Variants in UNC79 observed in about 807,000 individuals in gnomAD.
The protein encoded by UNC79 is protein unc-79 homolog.
UNC79 carries 37 observed loss-of-function variants against 283.1 expected under a neutral mutation model. That is an observed-to-expected ratio of 0.13 (90% CI 0.10 to 0.17). UNC79 has a LOEUF of 0.17. UNC79 is among the 10% of genes least tolerant of loss of function. The pLI is 1.00. For synonymous variants in UNC79, 1,107 were observed against 1,200.2 expected (o/e 0.92, Z 1.61); for missense variants, 2,272 against 3,211.1 (o/e 0.71, Z 7.07).
At chr14:93,520,662 T>G (rs1365973536) in intron 7 of UNC79, among the ~76,000 whole-genome samples, 1 of 151,962 alleles carries the variant, frequency 6.6e-6, no homozygotes, top group South Asian at 2.1e-4. Flanking sequence ...TTATGTCTCC[T>G]AATTCACTGA....
At chr14:93,597,529 C>A in exon 24 of UNC79, 1 of 1,612,034 alleles carries the variant, frequency 6.2e-7, no homozygotes, top group Non-Finnish European at 8.5e-7. Context: ...CATAAAGAGG[C>A]CAGCATTGCA....
chr14:93,633,566 T>C (rs981537770), intron 31 of UNC79, among the ~76,000 whole-genome samples: 9 of 152,118 alleles, frequency 5.9e-5, no homozygotes, highest in African/African-American at 2.2e-4. Flanking sequence ...ACACAGAGAA[T>C]AACCACAAGT....
intron 40 of UNC79, among the ~76,000 whole-genome samples, chr14:93,668,913 C>T (rs2072515721): frequency 6.9e-6 from 1 of 144,448 alleles, no homozygotes; most frequent in African/African-American, 2.6e-5. Context: ...GGGAAAATCA[C>T]CTGAGTCTGG....
intron 4 of UNC79, among the ~76,000 whole-genome samples, chr14:93,480,556 C>T (rs12436290): frequency 0.55 from 83,427 of 151,892 alleles, 23,210 homozygotes; most frequent in Admixed American, 0.64. Flanking sequence ...ATCTTTAAGT[C>T]TTTGAAAATA....
rs753093113 is a variant in UNC79 at position 93,634,516 on chromosome 14, T to C, written c.5717-2700T>C. 3.1e-6 allele frequency: 5 copies of C among 1,609,378 alleles called. No individual in the cohort carries two copies. Among genetic ancestry groups the C allele is most frequent in the Non-Finnish European group, 2.6e-6 (3 of 1,175,744 alleles). On this transcript the variant is annotated intron_variant, in intron 31 of 48. Transcript: ENST00000555664. Reference sequence around the variant, plus strand: ...TATAATCATCTCCTAATTTCCTCCATCTAGCTCAGTATAGGCAGATGAAAA... The same window carrying C: ...TATAATCATCTCCTAATTTCCTCCACCTAGCTCAGTATAGGCAGATGAAAA...
At chr14:93,482,042 TG>T (rs1241951948) in intron 4 of UNC79, among the ~76,000 whole-genome samples, 1 of 152,200 alleles carries the variant, frequency 6.6e-6, no homozygotes, top group African/African-American at 2.4e-5. Flanking sequence ...GTGAAGACCA[TG>T]GAATAATGTA....
At chr14:93,343,872 A>C (rs145841789) in intron 1 of UNC79, among the ~76,000 whole-genome samples, 90 of 152,348 alleles carry the variant, frequency 5.9e-4, no homozygotes, top group Middle Eastern at 3.4e-3. Context: ...ATTGTGGGTC[A>C]CTGAGAATAC....
chr14:93,568,404 G>A (rs1324537733), intron 14 of UNC79, among the ~76,000 whole-genome samples: 2 of 151,994 alleles, frequency 1.3e-5, no homozygotes, highest in East Asian at 3.9e-4. Flanking sequence ...CCAGGTGTGG[G>A]GGCTCACACC....
intron 29 of UNC79, 123 bp downstream of exon 30, chr14:93,618,477 T>C (rs2066893735): frequency 1.8e-6 from 2 of 1,138,036 alleles, no homozygotes; most frequent in Non-Finnish European, 2.3e-6. Flanking sequence ...AAAATCACTT[T>C]CTTAATTTTC....
chr14:93,598,433 T>A (rs2065251043), intron 24 of UNC79, among the ~76,000 whole-genome samples: 1 of 151,948 alleles, frequency 6.6e-6, no homozygotes, highest in Admixed American at 6.6e-5. Flanking sequence ...ACTAGGTTGG[T>A]TTATCTTACA....
intron 24 of UNC79, among the ~76,000 whole-genome samples, chr14:93,597,937 A>AT (rs1444975605): frequency 6.6e-6 from 1 of 152,130 alleles, no homozygotes; most frequent in Non-Finnish European, 1.5e-5. Flanking sequence ...GATGATGGAG[A>AT]TTTTTTAACT....
intron 1 of UNC79, among the ~76,000 whole-genome samples, chr14:93,457,382 T>C (rs1362939971): frequency 6.6e-6 from 1 of 152,216 alleles, no homozygotes; most frequent in Non-Finnish European, 1.5e-5. Context: ...AGGAGATGCA[T>C]GTAATGCAGT....
intron 1 of UNC79, among the ~76,000 whole-genome samples, chr14:93,384,613 A>T (rs1566905031): frequency 6.6e-6 from 1 of 152,188 alleles, no homozygotes; most frequent in Non-Finnish European, 1.5e-5. Context: ...CCCTTGTCAA[A>T]TGAGTAGTTT....
rs112208492 is a variant in UNC79, at chr14:93,544,038, C to G, written c.1755+1342C>G. On this transcript the variant is annotated intron_variant, in intron 14 of 48. Coordinates refer to ENST00000555664, the Ensembl canonical transcript of UNC79. ...ATTTCCCATTTTCTGACATTCTTTG[C>G]CTGTGTTGATATATTTTCTATTATT... is the stretch of plus-strand genomic sequence containing the variant. Among the ~76,000 whole-genome samples, 1,138 of 152,156 alleles carry G rather than the reference C, an allele frequency of 7.5e-3. 13 individuals carry two copies. The highest frequency in any genetic ancestry group is 0.026 in the African/African-American group (1,069 of 41,490).
Position 93,630,922 on chromosome 14 carries a change from T to G in UNC79, c.5716+14T>G. ...CCTCAATATCAAGTAAGATTTCCTC[T>G]GCTGATTATTTCATCTATGCATTTA... On this transcript the variant is annotated intron_variant, in intron 31 of 48. Coordinates refer to ENST00000555664, the Ensembl canonical transcript of UNC79. The G allele has an allele frequency of 6.2e-7, 1 of 1,605,394 alleles. No individual in the cohort carries two copies. Among genetic ancestry groups the G allele is most frequent in the Non-Finnish European group, 8.5e-7 (1 of 1,172,140 alleles).
At chr14:93,622,156 A>G (rs1414804020) in exon 30 of UNC79, 2 of 1,614,022 alleles carry the variant, frequency 1.2e-6, no homozygotes, top group East Asian at 2.2e-5. Flanking sequence ...CCCCTCTCAG[A>G]ATAGTCGAGA....
intron 27 of UNC79, among the ~76,000 whole-genome samples, chr14:93,613,849 A>G (rs1427007015): frequency 6.6e-6 from 1 of 152,178 alleles, no homozygotes. Context: ...CTTAATGAAG[A>G]AATCTTTCCA....
chr14:93,337,384 C>A (rs868089308), intron 1 of UNC79, among the ~76,000 whole-genome samples: 2 of 152,220 alleles, frequency 1.3e-5, no homozygotes, highest in Non-Finnish European at 2.9e-5. Flanking sequence ...AACTCGGGAA[C>A]CTTCGAGTGG....
At chr14:93,472,951 C>A (rs372662766) in intron 2 of UNC79, among the ~76,000 whole-genome samples, 1 of 152,068 alleles carries the variant, frequency 6.6e-6, no homozygotes, top group African/African-American at 2.4e-5. Flanking sequence ...AATAGTATAA[C>A]CTAATTTTAC....
Sources: allele counts gnomAD v4.1 joint callset (sites outside exome capture counted in the v4.1 genomes callset), GRCh38; gene constraint gnomAD v4.1.1; transcripts MANE v1.5; gene names NCBI Gene and HGNC (gene_info 2026-07-23, HGNC 2026-07-21).